The following EVX1 variants were observed in gnomAD, a reference collection of about 807,000 sequenced individuals.
EVX1 encodes the protein homeobox even-skipped homolog protein 1.
Under a neutral mutation model 28.6 loss-of-function variants are expected in EVX1, and 19 were observed. The ratio of observed to expected loss-of-function variants is 0.67; its 90% CI spans 0.46 to 0.98. The LOEUF (loss-of-function observed/expected upper bound fraction) is 0.98, where lower values mean the gene tolerates loss of function less well. EVX1 is among the 50% of genes least tolerant of loss of function. EVX1 has a pLI of 0.00. For synonymous variants in EVX1, 324 were observed against 278.2 expected (o/e 1.16, Z -1.64); for missense variants, 660 against 583.0 (o/e 1.13, Z -1.36).
chr7:27,246,196 AC>A lies in EVX1; in HGVS notation c.999del (p.Ala336ArgfsTer130). ...TGCGCCTTCCGCCACCCGCCGCTCT[AC>A]CCCGGGCCCGCGCACGGACTGGGCG... Reference protein sequence around the residue: ...LLCAFRHPPLYPGPAHGLGAS... With the variant: ...LLCAFRHPPLXPGPAHGLGAS... On this transcript the variant is annotated frameshift_variant, in exon 3 of 3. Transcript: ENST00000496902. LOFTEE classifies it high-confidence loss of function. 6.7e-7 allele frequency: 1 copy of A among 1,496,178 alleles called. No homozygotes were observed. Among genetic ancestry groups the A allele is most frequent in the Admixed American group, 2.3e-5 (1 of 44,158 alleles). The allele number at this position is 1,496,178 out of a possible 1,614,324, so 92.7% of individuals were successfully genotyped here.
intron 1 of EVX1, 100 bp from the exon 2 acceptor site, chr7:27,244,948 C>T (rs1783129740): frequency 2.0e-6 from 3 of 1,498,294 alleles, no homozygotes; most frequent in African/African-American, 1.4e-5. Flanking sequence ...ACAGGGTGTC[C>T]CTTCCCAAAT....
In EVX1 at chr7:27,243,281, C is replaced by G. The variant is rs1783076273; in HGVS notation, c.251C>G (p.Pro84Arg). 10 of 1,550,218 alleles carry G rather than the reference C, an allele frequency of 6.5e-6. No individual in the cohort carries two copies. Among genetic ancestry groups the G allele is most frequent in the Non-Finnish European group, 8.7e-6 (10 of 1,148,260 alleles). ...AGCGCGGCGGGGCCGGGCGCCGAGC[C>G]CCAGGTAGCTGGGGCGGCCATGCTC... Reference protein sequence around the residue: ...AGSAAGPGAEPQVAGAAMLGP... With the variant: ...AGSAAGPGAERQVAGAAMLGP... The change falls in exon 1 of 3, where the codon CCC becomes CGC. Residue 84 changes from proline to arginine, a missense_variant. Pro to Arg is a moderately radical substitution (Grantham distance 103). Coordinates refer to ENST00000496902, the MANE Select transcript of EVX1 (RefSeq NM_001989.5).
At chr7:27,244,372 C>G (rs17501836) in intron 1 of EVX1, 10,550 of 317,388 alleles carry the variant, frequency 0.033, 942 homozygotes, top group African/African-American at 0.21. Flanking sequence ...AGCCTGGGGG[C>G]GGGGGGGAGA....
At position 27,247,562 on chromosome 7, in the gene EVX1, C is replaced by A. The variant is rs1422412126; in HGVS notation, c.*1137C>A. 1 of 152,118 alleles carries A rather than the reference C, an allele frequency of 6.6e-6. No homozygotes were observed. Among genetic ancestry groups the A allele is most frequent in the Non-Finnish European group, 1.5e-5 (1 of 68,018 alleles). 9.4% of individuals were successfully genotyped at this position (152,118 alleles called of 1,614,324 possible). A position where few individuals can be genotyped will look rare whatever the true frequency, so the allele number is the denominator to read the frequency against. On this transcript the variant is annotated 3_prime_UTR_variant, in exon 3 of 3. Coordinates refer to ENST00000496902, the MANE Select transcript of EVX1 (RefSeq NM_001989.5). ...CAGATACCAGTGGGAGCCTTCTGTC[C>A]CTTTTGGGGACCCTGTCTGTGGCCT...
In EVX1 at chr7:27,246,578, G is replaced by T. The variant is rs1181907670; in HGVS notation, c.*153G>T. 2.4e-6 allele frequency: 2 copies of T among 816,884 alleles called. No individual in the cohort carries two copies. Among genetic ancestry groups the T allele is most frequent in the Non-Finnish European group, 3.7e-6 (2 of 542,344 alleles). 50.6% of individuals were successfully genotyped at this position (816,884 alleles called of 1,614,324 possible). A position where few individuals can be genotyped will look rare whatever the true frequency, so the allele number is the denominator to read the frequency against. Reference sequence around the variant, plus strand: ...GGAAAAGGACCAGCGGGATCCGGCCGCAAGAATTGGAAAGCCTAGGAAGTG... The same window carrying T: ...GGAAAAGGACCAGCGGGATCCGGCCTCAAGAATTGGAAAGCCTAGGAAGTG... On this transcript the variant is annotated 3_prime_UTR_variant, in exon 3 of 3. Coordinates refer to ENST00000496902, the MANE Select transcript of EVX1 (RefSeq NM_001989.5).
intron 2 of EVX1, among the ~76,000 whole-genome samples, chr7:27,245,632 C>T (rs1783150956): frequency 6.6e-6 from 1 of 152,180 alleles, no homozygotes; most frequent in Admixed American, 6.5e-5. Context: ...CCCATACACA[C>T]ACTGGCCTCT....
In EVX1 at chr7:27,246,290, G is replaced by A. The variant is rs1490572575; in HGVS notation, c.1089G>A (p.Arg363=). Residue 363 remains arginine (R), a synonymous_variant, in exon 3 of 3, where the codon CGG becomes CGA. Transcript: ENST00000496902. ...HSGPANGLAP[R]AAAASDFTCA... is the part of the protein sequence containing the mutation. ...GCCCGGCCAACGGGCTGGCGCCCCG[G>A]GCTGCCGCCGCCTCGGACTTCACCT... The A allele has an allele frequency of 2.5e-6, 4 of 1,582,228 alleles. No homozygotes were observed. In the East Asian group the frequency reaches 6.9e-5, roughly 27 times the overall value.
At chr7:27,245,524 G>T (rs866514960) in intron 2 of EVX1, among the ~76,000 whole-genome samples, 2 of 152,230 alleles carry the variant, frequency 1.3e-5, no homozygotes, top group Admixed American at 6.5e-5. Context: ...GGGCGTGGGG[G>T]AAGGGGATAG....
chr7:27,245,864 C>G (rs1171804478), intron 2 of EVX1, 22 bp from the exon 3 acceptor site: 1 of 1,604,448 alleles, frequency 6.2e-7, no homozygotes. Flanking sequence ...AGCTACTGAA[C>G]CTGCTCCGCT....
In EVX1 at chr7:27,246,628, C is replaced by G; in HGVS notation, c.*203C>G. The G allele has an allele frequency of 1.7e-6, 1 of 600,566 alleles. No individual in the cohort carries two copies. Among genetic ancestry groups the G allele is most frequent in the East Asian group, 3.2e-5 (1 of 31,110 alleles). 37.2% of individuals were successfully genotyped at this position (600,566 alleles called of 1,614,324 possible). A position where few individuals can be genotyped will look rare whatever the true frequency, so the allele number is the denominator to read the frequency against. ...GGCGGTGGCTGGCGCGTTTGGGGAG[C>G]AGGAGTGGGGATAGGGAAGCAGAGC... is the stretch of plus-strand genomic sequence containing the variant. On this transcript the variant is annotated 3_prime_UTR_variant, in exon 3 of 3. Coordinates refer to ENST00000496902, the MANE Select transcript of EVX1 (RefSeq NM_001989.5).
Position 27,244,900 on chromosome 7 carries a change from C to A in EVX1, c.428-148C>A, listed in dbSNP as rs1783128893. On this transcript the variant is annotated intron_variant, in intron 1 of 2. Coordinates refer to ENST00000496902, the MANE Select transcript of EVX1 (RefSeq NM_001989.5). Reference sequence around the variant, plus strand: ...TTTCCCTTCTTGGGTTCCCCAGAGGCCGCAGTACCCTAGCAGAAACAGTTA... The same window carrying A: ...TTTCCCTTCTTGGGTTCCCCAGAGGACGCAGTACCCTAGCAGAAACAGTTA... The A allele has an allele frequency of 3.9e-6, 5 of 1,291,916 alleles. No individual in the cohort carries two copies. The African/African-American group carries it at 4.4e-5, about 11-fold the overall frequency. The allele number at this position is 1,291,916 out of a possible 1,614,324, so 80.0% of individuals were successfully genotyped here.
Position 27,246,118 on chromosome 7 carries a change from C to G in EVX1, c.917C>G (p.Pro306Arg). ...AASPFSGSLR[P>R]LDTFRVLSQP... Reference sequence around the variant, plus strand: ...TCGCCCTTCAGCGGCTCGCTGCGCCCGCTCGACACGTTCCGCGTGCTGTCG... The same window carrying G: ...TCGCCCTTCAGCGGCTCGCTGCGCCGGCTCGACACGTTCCGCGTGCTGTCG... Residue 306 changes from proline (P) to arginine (R), a missense_variant, in exon 3 of 3, where the codon CCG becomes CGG. This residue lies in a region of EVX1 where 299 missense variants were observed against 241.3 expected (regional missense o/e 1.24). Coordinates refer to ENST00000496902, the MANE Select transcript of EVX1 (RefSeq NM_001989.5). The G allele has an allele frequency of 6.5e-7, 1 of 1,541,266 alleles. No individual in the cohort carries two copies. Among genetic ancestry groups the G allele is most frequent in the Non-Finnish European group, 8.7e-7 (1 of 1,153,492 alleles).
rs1307172075 is a variant in EVX1, at chr7:27,246,436, G to T, written c.*11G>T. 6.3e-7 allele frequency: 1 copy of T among 1,586,386 alleles called. No homozygotes were observed. Among genetic ancestry groups the T allele is most frequent in the Non-Finnish European group, 8.5e-7 (1 of 1,173,604 alleles). On this transcript the variant is annotated 3_prime_UTR_variant, in exon 3 of 3. Coordinates refer to ENST00000496902, the MANE Select transcript of EVX1 (RefSeq NM_001989.5). Reference sequence around the variant, plus strand: ...CCCCTCACTAGATAAGGGGCCGCCGGCTGGCTGCCGGCTCCATGACGCCCG... The same window carrying T: ...CCCCTCACTAGATAAGGGGCCGCCGTCTGGCTGCCGGCTCCATGACGCCCG...
Position 27,246,692 on chromosome 7 carries a change from G to GC in EVX1, c.*273dup. 1 of 497,876 alleles carries GC rather than the reference G, an allele frequency of 2.0e-6. No homozygotes were observed. Among genetic ancestry groups the GC allele is most frequent in the East Asian group, 3.8e-5 (1 of 26,146 alleles). The allele number at this position is 497,876 out of a possible 1,614,324, so 30.8% of individuals were successfully genotyped here. A position where few individuals can be genotyped will look rare whatever the true frequency, so the allele number is the denominator to read the frequency against. On this transcript the variant is annotated 3_prime_UTR_variant, in exon 3 of 3. Coordinates refer to ENST00000496902, the MANE Select transcript of EVX1 (RefSeq NM_001989.5). ...CTCCGGGGCAGCCTCCGGACCCACCGCCCCCCACCAGGGTCGAGGCTGTAG... is the reference window on the plus strand; with the variant it reads ...CTCCGGGGCAGCCTCCGGACCCACCGCCCCCCCACCAGGGTCGAGGCTGTAG...
rs1253295133 is a variant in EVX1, at chr7:27,247,015, C to T, written c.*590C>T. On this transcript the variant is annotated 3_prime_UTR_variant, in exon 3 of 3. Transcript: ENST00000496902. The stretch of plus-strand genomic sequence containing the variant: ...ATTTACTACCAGGGAGAATCCAGCC[C>T]CTTGGCATGGGACCTGGAGCCTCGA... 2.6e-5 allele frequency: 4 copies of T among 151,722 alleles called. No individual in the cohort carries two copies. The East Asian group carries it at 5.9e-4, about 22-fold the overall frequency. 9.4% of individuals were successfully genotyped at this position (151,722 alleles called of 1,614,324 possible).
At chr7:27,245,400 G>C (rs1227829644) in intron 2 of EVX1, 96 bp downstream of exon 2, 3 of 1,536,350 alleles carry the variant, frequency 2.0e-6, no homozygotes, top group African/African-American at 2.7e-5. Flanking sequence ...CAGGAATCTG[G>C]GCCTGGGGTC....
rs573151877 is a variant in EVX1 at position 27,242,955 on chromosome 7, C to A, written c.-76C>A. On this transcript the variant is annotated 5_prime_UTR_variant, in exon 1 of 3. Coordinates refer to ENST00000496902, the MANE Select transcript of EVX1 (RefSeq NM_001989.5). ...CTCCCTCTTGCAACCAAGATCCGTC[C>A]GGCCGCTGGAGACCCAGGGAGCCGG... is the stretch of plus-strand genomic sequence containing the variant. 1.5e-5 allele frequency: 21 copies of A among 1,389,960 alleles called. No homozygotes were observed. In the African/African-American group the frequency reaches 2.3e-4, roughly 15 times the overall value. The allele number at this position is 1,389,960 out of a possible 1,614,324, so 86.1% of individuals were successfully genotyped here.
chr7:27,245,808 C>T (rs1005064453), intron 2 of EVX1, 78 bp from the exon 3 acceptor site: 8 of 1,527,914 alleles, frequency 5.2e-6, no homozygotes, highest in Non-Finnish European at 7.0e-6. Flanking sequence ...AACACTGTCC[C>T]CGGAGCGGGA....
intron 1 of EVX1, 189 bp downstream of exon 1, chr7:27,243,646 G>A (rs1783089952): frequency 3.2e-6 from 2 of 622,670 alleles, no homozygotes; most frequent in Non-Finnish European, 5.2e-6. Flanking sequence ...CGGGACTGAG[G>A]GTGACAGCAG....
Sources: gnomAD v4.1 joint callset for allele counts (sites outside exome capture counted in the v4.1 genomes callset) on GRCh38, gnomAD v4.1.1 for gene constraint, gnomAD v4.1.1 regional missense constraint, MANE v1.5 for transcripts, NCBI Gene and HGNC (gene_info 2026-07-23, HGNC 2026-07-21) for gene names.